PCDH15: variants seen among roughly 807,000 people sequenced by gnomAD.
The protein encoded by PCDH15 is protocadherin related 15.
A neutral mutation model predicts 178.5 loss-of-function variants in PCDH15; 129 were observed. The ratio of observed to expected loss-of-function variants is 0.72; its 90% CI spans 0.63 to 0.84. PCDH15 has a LOEUF of 0.84. PCDH15 is among the 40% of genes least tolerant of loss of function. PCDH15 has a pLI of 0.00. For synonymous variants in PCDH15, 800 were observed against 732.0 expected (o/e 1.09, Z -1.50); for missense variants, 2,230 against 2,099.9 (o/e 1.06, Z -1.21).
chr10:53,969,218 C>A (rs1382894764), intron 21 of PCDH15, among the ~76,000 whole-genome samples: 1 of 152,102 alleles, frequency 6.6e-6, no homozygotes, highest in Non-Finnish European at 1.5e-5. Context: ...CATGCACAAG[C>A]TTCAGTAGCC....
At chr10:54,331,443 C>G (rs1939549647) in intron 6 of PCDH15, among the ~76,000 whole-genome samples, 1 of 151,846 alleles carries the variant, frequency 6.6e-6, no homozygotes. Context: ...AATATAAATA[C>G]AGAAAATGAA....
intron 3 of PCDH15, among the ~76,000 whole-genome samples, chr10:54,452,726 G>T (rs1001416957): frequency 2.0e-5 from 3 of 152,032 alleles, no homozygotes; most frequent in Admixed American, 6.6e-5. Flanking sequence ...GTTTATAGAT[G>T]CACATAAGAT....
At chr10:54,071,508 A>T (rs1218783299) in intron 17 of PCDH15, among the ~76,000 whole-genome samples, 1 of 152,132 alleles carries the variant, frequency 6.6e-6, no homozygotes, top group African/African-American at 2.4e-5. Context: ...ACATCTTTTG[A>T]CACAAAATTT....
At chr10:55,447,325 G>C (rs1342329180) in intron 2 of PCDH15, among the ~76,000 whole-genome samples, 3 of 151,924 alleles carry the variant, frequency 2.0e-5, no homozygotes, top group African/African-American at 4.8e-5. Flanking sequence ...TTTCAACTGA[G>C]AATTCTATAT....
chr10:55,070,686 A>T (rs1442436590), intron 2 of PCDH15, among the ~76,000 whole-genome samples: 1 of 152,064 alleles, frequency 6.6e-6, no homozygotes, highest in Non-Finnish European at 1.5e-5. Flanking sequence ...GTAGCCTTGT[A>T]GTATAGTTTG....
chr10:55,480,112 G>T (rs1931699), intron 2 of PCDH15, among the ~76,000 whole-genome samples: 5,146 of 151,434 alleles, frequency 0.034, 135 homozygotes, highest in Admixed American at 0.048. Flanking sequence ...TAATGTTATC[G>T]ATTTTCCTGC....
At chr10:54,672,940 A>G (rs7913094) in intron 1 of PCDH15, among the ~76,000 whole-genome samples, 3 of 152,182 alleles carry the variant, frequency 2.0e-5, no homozygotes, top group Non-Finnish European at 4.4e-5. Context: ...TAAAAGATTC[A>G]TAACAGTTCT....
intron 1 of PCDH15, among the ~76,000 whole-genome samples, chr10:54,766,981 TATA>T (rs1948595835): frequency 6.6e-6 from 1 of 151,926 alleles, no homozygotes; most frequent in Admixed American, 6.6e-5. Context: ...GTGTTCTTAA[TATA>T]ATCTTCCCAC....
At chr10:54,856,387 T>C (rs1953742740) in intron 3 of PCDH15, among the ~76,000 whole-genome samples, 1 of 152,190 alleles carries the variant, frequency 6.6e-6, no homozygotes. Context: ...CAGCCATCTC[T>C]AGAGAATAGA....
chr10:55,322,867 A>G (rs751965677), upstream of PCDH15, among the ~76,000 whole-genome samples: 2 of 152,168 alleles, frequency 1.3e-5, no homozygotes, highest in Non-Finnish European at 2.9e-5. Context: ...TCAAATGTTA[A>G]TCACCAAGGT....
At chr10:55,125,757 A>T (rs1196639392) in intron 2 of PCDH15, among the ~76,000 whole-genome samples, 1 of 152,108 alleles carries the variant, frequency 6.6e-6, no homozygotes, top group East Asian at 1.9e-4. Flanking sequence ...TATTTTCCAT[A>T]TAGAGTAGCA....
At chr10:54,361,648 G>A (rs766502718) in intron 5 of PCDH15, among the ~76,000 whole-genome samples, 1 of 151,916 alleles carries the variant, frequency 6.6e-6, no homozygotes, top group Non-Finnish European at 1.5e-5. Flanking sequence ...TATGCTGTGT[G>A]ACTCAATAGA....
intron 2 of PCDH15, among the ~76,000 whole-genome samples, chr10:55,379,494 C>A (rs972889873): frequency 6.6e-6 from 1 of 152,006 alleles, no homozygotes; most frequent in Non-Finnish European, 1.5e-5. Flanking sequence ...TTATTTAGTA[C>A]ATAGTAGGTT....
chr10:54,110,225 G>A (rs2094992327), intron 15 of PCDH15, among the ~76,000 whole-genome samples: 1 of 151,020 alleles, frequency 6.6e-6, no homozygotes, highest in South Asian at 2.1e-4. Context: ...CAGGAGATTG[G>A]TTTAACCCAG....
At chr10:55,077,076 A>G (rs1841911268) in intron 2 of PCDH15, among the ~76,000 whole-genome samples, 1 of 149,500 alleles carries the variant, frequency 6.7e-6, no homozygotes, top group Non-Finnish European at 1.5e-5. Context: ...AAGTCTTTTT[A>G]TCTAATATAA....
chr10:53,981,388 G>A (rs941028927), intron 21 of PCDH15, among the ~76,000 whole-genome samples: 8 of 152,112 alleles, frequency 5.3e-5, no homozygotes, highest in Admixed American at 5.2e-4. Flanking sequence ...GGGAATTTCA[G>A]TGAGGCATCA....
intron 2 of PCDH15, among the ~76,000 whole-genome samples, chr10:55,611,699 C>T (rs1333505904): frequency 1.3e-5 from 2 of 152,014 alleles, no homozygotes; most frequent in African/African-American, 4.8e-5. Context: ...TAGATATCAA[C>T]ACTTCCATGT....
chr10:54,447,386 A>C (rs542856235), intron 3 of PCDH15, among the ~76,000 whole-genome samples: 1 of 151,284 alleles, frequency 6.6e-6, no homozygotes, highest in Admixed American at 6.6e-5. Context: ...ACATCTCCGC[A>C]ATTTCCCCCA....
intron 2 of PCDH15, among the ~76,000 whole-genome samples, chr10:55,084,398 C>G (rs779228936): frequency 6.7e-6 from 1 of 150,042 alleles, no homozygotes; most frequent in Non-Finnish European, 1.5e-5. Flanking sequence ...AGACCCCTAT[C>G]TCTTGCCATA....
Sources: allele counts gnomAD v4.1 joint callset (sites outside exome capture counted in the v4.1 genomes callset), GRCh38; gene constraint gnomAD v4.1.1; transcripts MANE v1.5; gene names NCBI Gene and HGNC (gene_info 2026-07-23, HGNC 2026-07-21).